The following RCBTB2 variants were observed in gnomAD, a reference collection of about 807,000 sequenced individuals.
RCBTB2 encodes RCC1 and BTB domain-containing protein 2.
RCBTB2 carries 55 observed loss-of-function variants against 65.4 expected under a neutral mutation model. That is an observed-to-expected ratio of 0.84 (90% CI 0.68 to 1.05). The LOEUF (loss-of-function observed/expected upper bound fraction) is 1.05. Ranked by LOEUF, RCBTB2 falls within the 50% of genes least tolerant of loss-of-function variation. The pLI is 0.00. For missense variants in RCBTB2, 599 were observed against 680.1 expected, an observed-to-expected ratio of 0.88 and a Z score of 1.33; for synonymous variants, 220 against 255.2, an observed-to-expected ratio of 0.86 and a Z score of 1.31.
chr13:48,510,691 C>T lies in RCBTB2; in HGVS notation c.864G>A (p.Gln288=), dbSNP rs1271637290. 1.2e-6 allele frequency: 2 copies of T among 1,614,216 alleles called. No homozygotes were observed. The highest frequency in any genetic ancestry group is 3.3e-5 in the Admixed American group (2 of 60,034). ...GGTTGCTTTTATTGCCAGTGCCCAA[C>T]TGCCCATAAGAATTGGCGCCCCAAG... is the stretch of plus-strand genomic sequence containing the variant. ...VYAWGANSYG[Q]LGTGNKSNQS... The change falls in exon 10 of 15, where the codon CAG becomes CAA. Residue 288 remains glutamine, a synonymous_variant. Transcript: ENST00000344532.
At chr13:48,526,365 G>A (rs971753672) in intron 1 of RCBTB2, among the ~76,000 whole-genome samples, 1 of 151,902 alleles carries the variant, frequency 6.6e-6, no homozygotes, top group African/African-American at 2.4e-5. Context: ...GGAAGACACC[G>A]TCTCTACAGA....
At chr13:48,496,693 G>T (rs879556861) in intron 13 of RCBTB2, among the ~76,000 whole-genome samples, 8 of 150,130 alleles carry the variant, frequency 5.3e-5, no homozygotes, top group Non-Finnish European at 1.0e-4. Context: ...AGTGCCCGCC[G>T]TGAAAAGAAA....
At chr13:48,521,854 T>A (rs1385435289) in intron 4 of RCBTB2, 44 bp downstream of exon 4, 8 of 1,575,218 alleles carry the variant, frequency 5.1e-6, no homozygotes, top group Non-Finnish European at 7.0e-6. Flanking sequence ...GTATGTTTCA[T>A]GCAACAGAAC....
intron 1 of RCBTB2, among the ~76,000 whole-genome samples, chr13:48,528,918 T>C (rs1316508023): frequency 6.6e-6 from 1 of 152,202 alleles, no homozygotes; most frequent in Admixed American, 6.5e-5. Context: ...CATATGTTCA[T>C]GAAAAACAGA....
intron 11 of RCBTB2, among the ~76,000 whole-genome samples, chr13:48,502,181 G>A (rs1950267195): frequency 6.6e-6 from 1 of 152,086 alleles, no homozygotes; most frequent in Admixed American, 6.5e-5. Flanking sequence ...CAGTTTCTCA[G>A]TAAAATTAAA....
intron 14 of RCBTB2, among the ~76,000 whole-genome samples, chr13:48,493,560 G>C (rs1053901506): frequency 2.0e-5 from 3 of 151,512 alleles, no homozygotes; most frequent in Non-Finnish European, 4.4e-5. Flanking sequence ...CACCTCCACC[G>C]CACCATCTCC....
chr13:48,491,362 C>T (rs1428267406), intron 14 of RCBTB2, among the ~76,000 whole-genome samples: 3 of 152,092 alleles, frequency 2.0e-5, no homozygotes, highest in Non-Finnish European at 4.4e-5. Flanking sequence ...CTGAAGATAA[C>T]TGGGCAGGCT....
At chr13:48,503,946 A>T (rs771244083) in intron 10 of RCBTB2, among the ~76,000 whole-genome samples, 2 of 152,172 alleles carry the variant, frequency 1.3e-5, no homozygotes, top group Non-Finnish European at 2.9e-5. Context: ...GAAAATGGTA[A>T]ACTCTTTTAA....
rs1174299074 is a variant in RCBTB2, at chr13:48,527,337, G to GATATATATATATATATCATAT, written c.-218-2581_-218-2580insATATGATATATATATATATAT. On this transcript the variant is annotated intron_variant, in intron 1 of 14. Coordinates refer to ENST00000344532, the MANE Select transcript of RCBTB2 (RefSeq NM_001268.4). ...ACTTGGCTCATATATATATATATAT[G>GATATATATATATATATCATAT]ATATATATATATATGATATATATTT... 4.1e-3 allele frequency among the ~76,000 whole-genome samples: 458 copies of GATATATATATATATATCATAT among 112,096 alleles called. 16 individuals are homozygous for GATATATATATATATATCATAT. Among genetic ancestry groups the GATATATATATATATATCATAT allele is most frequent in the African/African-American group, 0.027 (423 of 15,396 alleles). 73.5% of individuals were successfully genotyped at this position (112,096 alleles called of 152,430 possible).
chr13:48,533,269 G>T (rs1175242331), upstream of RCBTB2: 3 of 300,044 alleles, frequency 1.0e-5, no homozygotes, highest in Admixed American at 4.8e-5. Flanking sequence ...CCCCTTTCTC[G>T]CAGACGCCCC....
intron 1 of RCBTB2, among the ~76,000 whole-genome samples, chr13:48,526,500 C>T (rs1291129695): frequency 1.3e-5 from 2 of 152,128 alleles, no homozygotes; most frequent in East Asian, 1.9e-4. Flanking sequence ...CACACCACTG[C>T]ACTCAGCCCG....
chr13:48,496,445 T>C (rs150498063), intron 13 of RCBTB2, 124 bp from the exon 14 acceptor site: 1 of 941,886 alleles, frequency 1.1e-6, no homozygotes, highest in Non-Finnish European at 1.5e-6. Flanking sequence ...AAGCACTGCA[T>C]AGACTGATGC....
chr13:48,535,256 T>C (rs1015778594), upstream of RCBTB2, among the ~76,000 whole-genome samples: 9 of 119,934 alleles, frequency 7.5e-5, no homozygotes, highest in South Asian at 5.1e-4. Context: ...ATTCATCCTC[T>C]TTTTTTTTTT....
chr13:48,501,787 A>G lies in RCBTB2; in HGVS notation c.1199T>C (p.Val400Ala), dbSNP rs776364813. The G allele has an allele frequency of 7.4e-6, 12 of 1,613,034 alleles. No individual in the cohort carries two copies. The highest frequency in any genetic ancestry group is 2.2e-5 in the East Asian group (1 of 44,884). Residue 400 changes from valine to alanine, a missense_variant, in exon 12 of 15, where the codon GTT becomes GCT. Transcript: ENST00000344532. ...ATGTGCATAAATGTACTTTCCATCA[A>G]CTAGAAACTTCAGGTCTGCAGTGTC... ...NPDTADLKFLVDGKYIYAHKV... is the reference protein window; with the variant it reads ...NPDTADLKFLADGKYIYAHKV...
At chr13:48,490,387 T>C (rs538670033) in intron 14 of RCBTB2, 136 bp from the exon 15 acceptor site, 155 of 670,250 alleles carry the variant, frequency 2.3e-4, no homozygotes, top group Admixed American at 5.7e-4. Flanking sequence ...GGCATGGTAA[T>C]ACCTAAAGAA....
intron 1 of RCBTB2, chr13:48,532,622 AGAT>A (rs1187237063): frequency 2.0e-5 from 4 of 202,886 alleles, no homozygotes; most frequent in Middle Eastern, 2.0e-3. Context: ...GCCTCCGAGC[AGAT>A]GATCACCCTG....
Position 48,501,844 on chromosome 13 carries a change from G to A in RCBTB2, c.1142C>T (p.Ala381Val). The A allele has an allele frequency of 1.9e-6, 3 of 1,613,918 alleles. No homozygotes were observed. Among genetic ancestry groups the A allele is most frequent in the Non-Finnish European group, 2.5e-6 (3 of 1,179,886 alleles). The change falls in exon 12 of 15, where the codon GCT becomes GTT. Residue 381 changes from alanine to valine, a missense_variant. Ala to Val is a moderately conservative substitution (Grantham distance 64). Transcript: ENST00000344532. Reference protein sequence around the residue: ...SVEPDDHLTVAESLKREFDNP... With the variant: ...SVEPDDHLTVVESLKREFDNP... ...GTCAAATTCCCTCTTCAGTGACTCA[G>A]CCACTGTGAGGTGGTCATCAGGTTC...
chr13:48,505,130 C>A (rs578254011), intron 10 of RCBTB2, among the ~76,000 whole-genome samples: 1 of 150,016 alleles, frequency 6.7e-6, no homozygotes, highest in Non-Finnish European at 1.5e-5. Flanking sequence ...CACTAGGCTG[C>A]GTGACTAGCA....
chr13:48,520,113 C>T (rs969786749), intron 4 of RCBTB2, among the ~76,000 whole-genome samples: 1 of 152,096 alleles, frequency 6.6e-6, no homozygotes, highest in Admixed American at 6.5e-5. Flanking sequence ...CCAAGCATTT[C>T]GGATAAGGGA....
Sources: gnomAD v4.1 joint callset for allele counts (sites outside exome capture counted in the v4.1 genomes callset) on GRCh38, gnomAD v4.1.1 for gene constraint, MANE v1.5 for transcripts, NCBI Gene and HGNC (gene_info 2026-07-23, HGNC 2026-07-21) for gene names.